Variants in SPECC1 observed in about 807,000 individuals in gnomAD.
SPECC1 encodes cytospin-B.
A neutral mutation model predicts 104.1 loss-of-function variants in SPECC1; 62 were observed. The ratio of observed to expected loss-of-function variants is 0.60; its 90% confidence interval spans 0.49 to 0.74. The LOEUF (loss-of-function observed/expected upper bound fraction) is 0.74, where lower values mean the gene tolerates loss of function less well. Among genes scored for constraint, SPECC1 ranks in the 30% least tolerant of loss-of-function variants. The pLI, the probability that SPECC1 is intolerant of heterozygous loss-of-function variation, is 0.00. For missense variants in SPECC1, 1,306 were observed against 1,310.5 expected (o/e 1.00, Z 0.05); for synonymous variants, 513 against 501.6 (o/e 1.02, Z -0.30).
At chr17:20,277,462 G>A (rs546379625) in intron 12 of SPECC1, among the ~76,000 whole-genome samples, 1 of 152,320 alleles carries the variant, frequency 6.6e-6, no homozygotes, top group East Asian at 1.9e-4. Context: ...TTTGCCAAAT[G>A]AAGTTCACTT....
intron 3 of SPECC1, among the ~76,000 whole-genome samples, chr17:20,194,431 A>T (rs1290075971): frequency 6.6e-6 from 1 of 151,736 alleles, no homozygotes; most frequent in East Asian, 1.9e-4. Context: ...AAAGGAAAAC[A>T]CACCATTCCA....
intron 6 of SPECC1, 93 bp from the exon 7 acceptor site, chr17:20,232,107 T>G: frequency 1.4e-6 from 2 of 1,465,540 alleles, no homozygotes; most frequent in Admixed American, 3.6e-5. Context: ...ATGGCATTTT[T>G]TTCTTGGTGA....
chr17:20,148,132 G>C (rs1308181831), intron 3 of SPECC1, among the ~76,000 whole-genome samples: 1 of 152,166 alleles, frequency 6.6e-6, no homozygotes, highest in East Asian at 1.9e-4. Context: ...GTTCTTAACA[G>C]TATTCTGAGG....
chr17:20,055,188 T>C (rs2045916188), intron 1 of SPECC1, among the ~76,000 whole-genome samples: 2 of 152,206 alleles, frequency 1.3e-5, no homozygotes, highest in African/African-American at 4.8e-5. Context: ...GCAGTATTTG[T>C]CTTTCTATGA....
chr17:20,059,024 AG>A (rs1489360348), intron 1 of SPECC1, among the ~76,000 whole-genome samples: 1 of 147,656 alleles, frequency 6.8e-6, no homozygotes, highest in Non-Finnish European at 1.5e-5. Context: ...TTGAATTTTT[AG>A]TAGACGGGGT....
chr17:20,187,673 A>G (rs1248306089), intron 3 of SPECC1, among the ~76,000 whole-genome samples: 1 of 152,180 alleles, frequency 6.6e-6, no homozygotes, highest in African/African-American at 2.4e-5. Context: ...TATTGTTGTA[A>G]GCTTGAGTTG....
intron 1 of SPECC1, among the ~76,000 whole-genome samples, chr17:20,091,337 T>C (rs934610296): frequency 6.6e-6 from 1 of 152,142 alleles, no homozygotes; most frequent in South Asian, 2.1e-4. Flanking sequence ...GTTTCCATGT[T>C]AGGTGGTGAG....
intron 13 of SPECC1, among the ~76,000 whole-genome samples, chr17:20,302,757 C>G (rs1014557635): frequency 3.6e-4 from 6 of 16,564 alleles, no homozygotes; most frequent in Non-Finnish European, 4.2e-4. Context: ...ATGCAGCACA[C>G]TGTGAAAACA....
chr17:20,270,833 C>G (rs1262345940), intron 12 of SPECC1, among the ~76,000 whole-genome samples: 1 of 152,150 alleles, frequency 6.6e-6, no homozygotes, highest in Non-Finnish European at 1.5e-5. Context: ...CTTCTCTATA[C>G]AGTGTACAAG....
chr17:20,064,788 T>C lies in SPECC1; in HGVS notation c.-21-31843T>C, dbSNP rs139142896. On this transcript the variant is annotated intron_variant, in intron 1 of 14. Coordinates refer to ENST00000395527, the MANE Select transcript of SPECC1 (RefSeq NM_001243439.2). ...TTCACAGGGAGGGCATGATGAACCT[T>C]GTCTTATAGCTCATGAGAAGGCCAA... 1.8e-3 allele frequency among the ~76,000 whole-genome samples: 274 copies of C among 152,310 alleles called. 1 individual carries two copies. Among genetic ancestry groups the C allele is most frequent in the African/African-American group, 6.1e-3 (253 of 41,564 alleles).
chr17:20,235,843 T>G (rs2038877949), intron 7 of SPECC1, among the ~76,000 whole-genome samples: 1 of 151,146 alleles, frequency 6.6e-6, no homozygotes, highest in Non-Finnish European at 1.5e-5. Flanking sequence ...TGTTTCATTT[T>G]GCCTATACCA....
chr17:20,216,228 G>A (rs1000893484), intron 4 of SPECC1, among the ~76,000 whole-genome samples: 1 of 152,026 alleles, frequency 6.6e-6, no homozygotes, highest in African/African-American at 2.4e-5. Context: ...CACCAGCATA[G>A]GAGTGCTCTT....
intron 1 of SPECC1, among the ~76,000 whole-genome samples, chr17:20,066,586 G>A (rs2046365103): frequency 6.6e-6 from 1 of 152,166 alleles, no homozygotes; most frequent in Admixed American, 6.5e-5. Context: ...ACAGAATCCA[G>A]GAGGAGAGTT....
intron 3 of SPECC1, chr17:20,156,113 C>T (rs1239184163): frequency 2.2e-6 from 3 of 1,365,630 alleles, no homozygotes; most frequent in African/African-American, 1.5e-5. Flanking sequence ...GCAACCGCCT[C>T]GCCAGCCGGA....
chr17:20,263,102 T>C (rs1293554892), intron 12 of SPECC1, among the ~76,000 whole-genome samples: 1 of 151,754 alleles, frequency 6.6e-6, no homozygotes, highest in African/African-American at 2.4e-5. Flanking sequence ...CCACTCTGCC[T>C]CTGCCCTGTT....
At chr17:20,091,339 G>T (rs1057183527) in intron 1 of SPECC1, among the ~76,000 whole-genome samples, 46 of 152,276 alleles carry the variant, frequency 3.0e-4, no homozygotes, top group African/African-American at 1.1e-3. Flanking sequence ...TTCCATGTTA[G>T]GTGGTGAGGC....
At chr17:20,237,302 G>GTT in intron 7 of SPECC1, 8 of 1,058,380 alleles carry the variant, frequency 7.6e-6, no homozygotes, top group Non-Finnish European at 6.8e-6. Context: ...TGTTGTTGTT[G>GTT]TTGTTTTGTT....
intron 3 of SPECC1, among the ~76,000 whole-genome samples, chr17:20,159,025 T>C (rs566529367): frequency 1.3e-4 from 20 of 151,954 alleles, no homozygotes; most frequent in African/African-American, 4.3e-4. Flanking sequence ...TGGTGTGATC[T>C]TGGCTCACTG....
At chr17:20,014,518 C>T (rs2044048230) in intron 1 of SPECC1, among the ~76,000 whole-genome samples, 1 of 152,016 alleles carries the variant, frequency 6.6e-6, no homozygotes, top group South Asian at 2.1e-4. Flanking sequence ...CTTTCTGAAC[C>T]CTTGCATGTT....
Sources: allele counts gnomAD v4.1 joint callset (sites outside exome capture counted in the v4.1 genomes callset), GRCh38; gene constraint gnomAD v4.1.1; transcripts MANE v1.5; gene names NCBI Gene and HGNC (gene_info 2026-07-23, HGNC 2026-07-21).